The following NEK10 variants were observed in gnomAD, a reference collection of about 807,000 sequenced individuals.
NEK10 encodes the protein serine/threonine-protein kinase Nek10.
Under a neutral mutation model 159.8 loss-of-function variants are expected in NEK10, and 122 were observed. That is an observed-to-expected ratio of 0.76 (90% CI 0.66 to 0.89). The LOEUF (loss-of-function observed/expected upper bound fraction) is 0.89, where lower values mean the gene tolerates loss of function less well. Among genes scored for constraint, NEK10 ranks in the 40% least tolerant of loss-of-function variants. NEK10 has a pLI of 0.00. For synonymous variants in NEK10, 466 were observed against 457.1 expected (o/e 1.02, Z -0.25); for missense variants, 1,342 against 1,323.1 (o/e 1.01, Z -0.22).
chr3:27,127,703 A>G (rs1942132778), intron 32 of NEK10, among the ~76,000 whole-genome samples: 1 of 152,216 alleles, frequency 6.6e-6, no homozygotes, highest in Non-Finnish European at 1.5e-5. Flanking sequence ...CAAATATATA[A>G]TCAATGTTTT....
chr3:27,199,694 A>C (rs1164589934), intron 25 of NEK10, among the ~76,000 whole-genome samples: 2 of 152,228 alleles, frequency 1.3e-5, no homozygotes. Flanking sequence ...AATAGCAAAG[A>C]CATGGAATCA....
At chr3:27,362,581 A>G (rs2048765862) in intron 1 of NEK10, among the ~76,000 whole-genome samples, 1 of 151,242 alleles carries the variant, frequency 6.6e-6, no homozygotes, top group Non-Finnish European at 1.5e-5. Context: ...GGTGGGCGCA[A>G]AAGTAATTGT....
chr3:27,312,064 C>G, intron 8 of NEK10, 35 bp downstream of exon 8: 1 of 1,420,902 alleles, frequency 7.0e-7, no homozygotes, highest in Non-Finnish European at 9.9e-7. Flanking sequence ...CTAGCAAGTC[C>G]ACAAAAATGG....
chr3:27,332,659 C>T (rs2046506405), intron 5 of NEK10, among the ~76,000 whole-genome samples: 1 of 152,194 alleles, frequency 6.6e-6, no homozygotes, highest in South Asian at 2.1e-4. Flanking sequence ...AAGGAATGGA[C>T]TAACAAAGAG....
At chr3:27,309,126 G>C in intron 9 of NEK10, 121 bp from the exon 10 acceptor site, 1 of 497,152 alleles carries the variant, frequency 2.0e-6, no homozygotes. Flanking sequence ...TCCCTCTTAA[G>C]ATCATATAGG....
intron 7 of NEK10, among the ~76,000 whole-genome samples, chr3:27,313,789 T>C (rs931950085): frequency 1.3e-5 from 2 of 152,156 alleles, no homozygotes; most frequent in African/African-American, 4.8e-5. Context: ...TTCAGCTCAC[T>C]GCAACCTCCG....
chr3:27,288,442 C>T (rs1250297929), intron 19 of NEK10, among the ~76,000 whole-genome samples: 1 of 152,094 alleles, frequency 6.6e-6, no homozygotes, highest in Admixed American at 6.5e-5. Context: ...AGTTTCTCAT[C>T]CACTCACCCT....
intron 22 of NEK10, among the ~76,000 whole-genome samples, chr3:27,259,072 T>TC (rs1559377338): frequency 1.3e-5 from 2 of 152,172 alleles, no homozygotes; most frequent in African/African-American, 4.8e-5. Context: ...AGTTGTTTTT[T>TC]TTTTATTGTA....
intron 32 of NEK10, among the ~76,000 whole-genome samples, chr3:27,123,327 C>T (rs1213391626): frequency 6.6e-6 from 1 of 152,050 alleles, no homozygotes; most frequent in African/African-American, 2.4e-5. Flanking sequence ...AGAAGAAACA[C>T]TGGAGCTGAT....
At chr3:27,365,035 C>G (rs1037164874) in intron 1 of NEK10, among the ~76,000 whole-genome samples, 1 of 152,220 alleles carries the variant, frequency 6.6e-6, no homozygotes, top group African/African-American at 2.4e-5. Context: ...CCAGGCAGAA[C>G]CCTTCCTGTT....
intron 23 of NEK10, among the ~76,000 whole-genome samples, chr3:27,231,215 C>T (rs918687033): frequency 7.9e-5 from 12 of 151,920 alleles, no homozygotes; most frequent in African/African-American, 2.7e-4. Context: ...AAGGAACCCT[C>T]CAAATCAAAC....
chr3:27,202,133 A>C (rs1046968597), intron 24 of NEK10, among the ~76,000 whole-genome samples: 1 of 152,078 alleles, frequency 6.6e-6, no homozygotes, highest in Non-Finnish European at 1.5e-5. Flanking sequence ...CCTGGCTGAC[A>C]GAGTGAGACT....
At chr3:27,165,478 C>A (rs1042784111) in intron 29 of NEK10, among the ~76,000 whole-genome samples, 1 of 152,106 alleles carries the variant, frequency 6.6e-6, no homozygotes, top group Non-Finnish European at 1.5e-5. Context: ...GGAAAATATA[C>A]CAAAGTGGTT....
rs962553954 is a variant in NEK10 at position 27,273,663 on chromosome 3, C to T, written c.2014+10939G>A. 7.2e-5 allele frequency among the ~76,000 whole-genome samples: 11 copies of T among 152,222 alleles called. No homozygotes were observed. In the East Asian group the frequency reaches 1.2e-3, roughly 16 times the overall value. On this transcript the variant is annotated intron_variant, in intron 22 of 35. Transcript: ENST00000691995. ...AAAATAATTAATGACCTGACAATTTCGGGAAATGATTATTTGAAACCTCTA... is the reference window on the plus strand; with the variant it reads ...AAAATAATTAATGACCTGACAATTTTGGGAAATGATTATTTGAAACCTCTA...
chr3:27,236,334 C>T (rs1388091132), intron 23 of NEK10, among the ~76,000 whole-genome samples: 3 of 151,610 alleles, frequency 2.0e-5, no homozygotes, highest in South Asian at 2.1e-4. Flanking sequence ...TTTTTAAGAA[C>T]AAAATGTATA....
intron 23 of NEK10, among the ~76,000 whole-genome samples, chr3:27,242,233 T>C (rs990943741): frequency 6.6e-6 from 1 of 152,150 alleles, no homozygotes; most frequent in African/African-American, 2.4e-5. Flanking sequence ...GGAAGAAATA[T>C]TTTCCTAAAG....
At chr3:27,231,836 C>T (rs745720277) in intron 23 of NEK10, among the ~76,000 whole-genome samples, 1 of 151,350 alleles carries the variant, frequency 6.6e-6, no homozygotes, top group Non-Finnish European at 1.5e-5. Flanking sequence ...CAGTAAGACT[C>T]AATCAGTAAT....
chr3:27,138,827 G>C (rs987109592), intron 31 of NEK10, among the ~76,000 whole-genome samples: 2 of 152,204 alleles, frequency 1.3e-5, no homozygotes, highest in East Asian at 1.9e-4. Flanking sequence ...AGGTTATCCT[G>C]ATGAAGTGCC....
intron 16 of NEK10, among the ~76,000 whole-genome samples, chr3:27,291,931 C>T (rs569128327): frequency 1.4e-4 from 22 of 152,218 alleles, no homozygotes; most frequent in East Asian, 3.9e-4. Context: ...TGTGAGCCAC[C>T]GCACCCGGCC....
Sources: gnomAD v4.1 joint callset for allele counts (sites outside exome capture counted in the v4.1 genomes callset) on GRCh38, gnomAD v4.1.1 for gene constraint, MANE v1.5 for transcripts, NCBI Gene and HGNC (gene_info 2026-07-23, HGNC 2026-07-21) for gene names.